HLTF: variants seen among roughly 807,000 people sequenced by gnomAD.
The protein encoded by HLTF is helicase like transcription factor, also known as DNA-dependent ATPase/E3 ubiquitin-protein ligase HLTF.
A neutral mutation model predicts 129.4 loss-of-function variants in HLTF; 127 were observed. The ratio of observed to expected loss-of-function variants is 0.98; its 90% CI spans 0.85 to 1.14. The LOEUF (loss-of-function observed/expected upper bound fraction) is 1.14, where lower values mean the gene tolerates loss of function less well. Among genes scored for constraint, HLTF ranks in the 50% most tolerant of loss-of-function variants. The pLI is 0.00. For missense variants in HLTF, 1,139 were observed against 1,187.1 expected (o/e 0.96, Z 0.60); for synonymous variants, 332 against 388.8 (o/e 0.85, Z 1.72).
At chr3:149,084,608 C>A in intron 2 of HLTF, 74 bp downstream of exon 2, 1 of 1,052,150 alleles carries the variant, frequency 9.5e-7, no homozygotes, top group Admixed American at 2.1e-5. Context: ...GCACACATCA[C>A]CTGCGAATTC....
intron 5 of HLTF, 29 bp downstream of exon 5, chr3:149,073,196 T>A (rs966273900): frequency 2.0e-5 from 30 of 1,470,738 alleles, no homozygotes; most frequent in Non-Finnish European, 2.7e-5. Flanking sequence ...AAATTCACTT[T>A]TAGATTACAA....
intron 3 of HLTF, among the ~76,000 whole-genome samples, chr3:149,075,193 G>C (rs552051919): frequency 2.1e-4 from 32 of 152,290 alleles, no homozygotes; most frequent in Admixed American, 6.5e-4. Flanking sequence ...AAACACTGCA[G>C]GGCAAAATGA....
At chr3:149,056,478 A>C (rs560045581) in intron 13 of HLTF, among the ~76,000 whole-genome samples, 1 of 152,316 alleles carries the variant, frequency 6.6e-6, no homozygotes, top group African/African-American at 2.4e-5. Context: ...TTAAACTGGA[A>C]GGTGAGCAAA....
intron 18 of HLTF, among the ~76,000 whole-genome samples, chr3:149,044,015 G>A (rs2107973318): frequency 6.6e-6 from 1 of 152,102 alleles, no homozygotes; most frequent in East Asian, 1.9e-4. Flanking sequence ...GCAAGGAATA[G>A]GCAAAATAAT....
chr3:149,047,659 A>C (rs1406662379), intron 17 of HLTF, among the ~76,000 whole-genome samples: 9 of 152,172 alleles, frequency 5.9e-5, no homozygotes, highest in East Asian at 5.8e-4. Flanking sequence ...TAAATACATA[A>C]ATAAATAAAT....
At chr3:149,044,564 C>A (rs6440581) in intron 18 of HLTF, among the ~76,000 whole-genome samples, 1 of 152,036 alleles carries the variant, frequency 6.6e-6, no homozygotes, top group Non-Finnish European at 1.5e-5. Context: ...CCACACATAG[C>A]TGACTTTGAA....
chr3:149,048,928 T>C lies in HLTF; in HGVS notation c.1691A>G (p.Asn564Ser). 6.2e-7 allele frequency: 1 copy of C among 1,612,968 alleles called. No individual in the cohort carries two copies. Among genetic ancestry groups the C allele is most frequent in the East Asian group, 2.2e-5 (1 of 44,828 alleles). ...AGCTTTTGTCTGCTGAGCATTTGGATTTCGTATGGCATGTCCTTCATCCAG... is the reference window on the plus strand; with the variant it reads ...AGCTTTTGTCTGCTGAGCATTTGGACTTCGTATGGCATGTCCTTCATCCAG... ...VILDEGHAIR[N>S]PNAQQTKAVL... is the part of the protein sequence containing the mutation. The change falls in exon 16 of 25, where the codon AAT becomes AGT. Residue 564 changes from asparagine to serine, a missense_variant. Coordinates refer to ENST00000310053, the MANE Select transcript of HLTF (RefSeq NM_003071.4).
intron 2 of HLTF, among the ~76,000 whole-genome samples, chr3:149,082,172 T>C (rs571065744): frequency 3.9e-4 from 59 of 152,218 alleles, no homozygotes; most frequent in Non-Finnish European, 4.9e-4. Flanking sequence ...ATAGAAGACT[T>C]GTGTGGCCGG....
At chr3:149,078,850 C>A (rs531535037) in intron 2 of HLTF, among the ~76,000 whole-genome samples, 20 of 137,640 alleles carry the variant, frequency 1.5e-4, no homozygotes, top group African/African-American at 5.1e-4. Context: ...AAGCAAGACT[C>A]CGTCTCAAAA....
chr3:149,058,969 C>T (rs974966583), intron 13 of HLTF, among the ~76,000 whole-genome samples: 3 of 152,204 alleles, frequency 2.0e-5, no homozygotes, highest in Admixed American at 6.5e-5. Flanking sequence ...CCTATATTTT[C>T]TATTCCTAAT....
chr3:149,043,877 TATTTA>T (rs1446722440), intron 18 of HLTF, among the ~76,000 whole-genome samples: 5 of 152,182 alleles, frequency 3.3e-5, no homozygotes, highest in Non-Finnish European at 7.4e-5. Flanking sequence ...CAACTACTGT[TATTTA>T]ATTTAATACA....
rs978747445 is a variant in HLTF at position 149,068,272 on chromosome 3, T to C, written c.958A>G (p.Ile320Val). 3 of 1,564,636 alleles carry C rather than the reference T, an allele frequency of 1.9e-6. No homozygotes were observed. Among genetic ancestry groups the C allele is most frequent in the South Asian group, 2.3e-5 (2 of 88,558 alleles). ...TNFHDGRPLPIERVKKNLLKK... is the reference protein window; with the variant it reads ...TNFHDGRPLPVERVKKNLLKK... ...AGTAGATTCTTTTTAACTCTTTCAA[T>C]AGGAAGAGGTCTGCCATCATGGAAG... Residue 320 changes from isoleucine (I) to valine (V), a missense_variant, in exon 8 of 25, where the codon ATT becomes GTT. Transcript: ENST00000310053.
chr3:149,057,512 G>A (rs1041558714), intron 13 of HLTF, among the ~76,000 whole-genome samples: 2 of 152,146 alleles, frequency 1.3e-5, no homozygotes, highest in African/African-American at 2.4e-5. Context: ...ATATATACTC[G>A]TCCTGCAGGG....
chr3:149,037,851 C>T (rs1715782699), intron 23 of HLTF, among the ~76,000 whole-genome samples: 1 of 152,138 alleles, frequency 6.6e-6, no homozygotes, highest in Non-Finnish European at 1.5e-5. Context: ...TCCTCTCAGG[C>T]CAAACAGCCC....
rs539845157 is a variant in HLTF at position 149,034,771 on chromosome 3, AT to A, written c.2877+146del. The stretch of plus-strand genomic sequence containing the variant: ...GAGAAAGGCCCCTTAAACAGCATAT[AT>A]TAAATTATTGATGAAGGAGGAAAAA... On this transcript the variant is annotated intron_variant, in intron 24 of 24. Transcript: ENST00000310053. 1.9e-4 allele frequency: 116 copies of A among 619,742 alleles called. No homozygotes were observed. The African/African-American group carries it at 2.0e-3, about 10-fold the overall frequency. The allele number at this position is 619,742 out of a possible 1,614,324, so 38.4% of individuals were successfully genotyped here. A position where few individuals can be genotyped will look rare whatever the true frequency, so the allele number is the denominator to read the frequency against.
chr3:149,048,259 G>A, intron 16 of HLTF, 96 bp from the exon 17 acceptor site: 1 of 856,250 alleles, frequency 1.2e-6, no homozygotes, highest in East Asian at 2.6e-5. Flanking sequence ...TTGAAAATGG[G>A]CACTCTGTAC....
At chr3:149,052,296 G>A (rs1281855083) in intron 14 of HLTF, among the ~76,000 whole-genome samples, 2 of 151,516 alleles carry the variant, frequency 1.3e-5, no homozygotes, top group African/African-American at 2.4e-5. Context: ...ATTATATGTT[G>A]TATGGAAATA....
At chr3:149,035,059 G>A (rs900524014) in intron 23 of HLTF, 61 bp from the exon 24 acceptor site, 1 of 1,225,236 alleles carries the variant, frequency 8.2e-7, no homozygotes, top group Non-Finnish European at 1.2e-6. Context: ...TTTTGCATTT[G>A]TCCTTTCATT....
At chr3:149,062,236 G>A (rs1415585114) in intron 10 of HLTF, among the ~76,000 whole-genome samples, 1 of 152,188 alleles carries the variant, frequency 6.6e-6, no homozygotes, top group Non-Finnish European at 1.5e-5. Context: ...GTCAGCTGTT[G>A]TTAAGTTTTT....
Sources: allele counts gnomAD v4.1 joint callset (sites outside exome capture counted in the v4.1 genomes callset), GRCh38; gene constraint gnomAD v4.1.1; transcripts MANE v1.5; gene names NCBI Gene and HGNC (gene_info 2026-07-23, HGNC 2026-07-21).